Variants in CACYBP observed in about 807,000 individuals in gnomAD.
CACYBP encodes calcyclin-binding protein.
A neutral mutation model predicts 29.6 loss-of-function variants in CACYBP; 11 were observed. The observed-to-expected ratio is 0.37, with a 90% CI of 0.23 to 0.61. CACYBP has a LOEUF of 0.61. CACYBP is among the 20% of genes least tolerant of loss of function. The pLI, the probability that CACYBP is intolerant of heterozygous loss-of-function variation, is 0.65. For missense variants in CACYBP, 163 were observed against 260.7 expected (o/e 0.63, Z 2.58); for synonymous variants, 73 against 88.3 (o/e 0.83, Z 0.97).
intron 5 of CACYBP, 87 bp from the exon 6 acceptor site, chr1:175,009,836 C>T (rs939389139): frequency 3.0e-6 from 3 of 1,009,686 alleles, no homozygotes; most frequent in African/African-American, 3.2e-5. Context: ...TCTTATCCCT[C>T]TACTTCCTGC....
chr1:175,007,114 G>T lies in CACYBP; in HGVS notation c.349G>T (p.Val117Leu). The part of the protein sequence containing the change: ...HFTERSFDLL[V>L]KNLNGKSYSM... ...GTGTTGCAGGTCATTTGATCTTTTG[G>T]TAAAGAATCTAAATGGGAAGAGTTA... is the stretch of plus-strand genomic sequence containing the variant. The change falls in exon 4 of 6, where the codon GTA becomes TTA. Residue 117 changes from valine to leucine, a missense_variant. Transcript: ENST00000367679. 6.2e-7 allele frequency: 1 copy of T among 1,604,234 alleles called. No homozygotes were observed. Among genetic ancestry groups the T allele is most frequent in the Non-Finnish European group, 8.5e-7 (1 of 1,172,058 alleles).
intron 1 of CACYBP, chr1:175,000,582 G>A (rs961501180): frequency 1.9e-5 from 21 of 1,119,466 alleles, no homozygotes; most frequent in Non-Finnish European, 2.2e-5. Flanking sequence ...GTCGTTCTTG[G>A]TAGAGGGCGG....
chr1:175,007,306 A>G, intron 4 of CACYBP, 109 bp downstream of exon 4: 1 of 664,940 alleles, frequency 1.5e-6, no homozygotes, highest in Non-Finnish European at 2.7e-6. Flanking sequence ...AACAGGGACC[A>G]CCGCCTGTTT....
intron 1 of CACYBP, among the ~76,000 whole-genome samples, chr1:175,002,815 G>A (rs1383417483): frequency 6.6e-6 from 1 of 152,144 alleles, no homozygotes; most frequent in Non-Finnish European, 1.5e-5. Context: ...GCCATTGGGG[G>A]AATCCCTTGC....
chr1:175,009,697 CCTAA>C lies in CACYBP; in HGVS notation c.531-222_531-219del, dbSNP rs199659024. ...GAAATCCCTGTGCCTAAAAATAGCCCCTAACTATTTTGATGACCTCTTTCGTGCA... is the reference window on the plus strand; with the variant it reads ...GAAATCCCTGTGCCTAAAAATAGCCCCTATTTTGATGACCTCTTTCGTGCA... On this transcript the variant is annotated intron_variant, in intron 5 of 5. Coordinates refer to ENST00000367679, the MANE Select transcript of CACYBP (RefSeq NM_014412.3). Among the ~76,000 whole-genome samples, 107 of 151,474 alleles carry C rather than the reference CCTAA, an allele frequency of 7.1e-4. No individual in the cohort carries two copies. In the East Asian group the frequency reaches 0.014, roughly 19 times the overall value.
At position 175,008,574 on chromosome 1, in the gene CACYBP, T is replaced by C. The variant is rs750330318; in HGVS notation, c.433-35T>C. The C allele has an allele frequency of 2.5e-5, 23 of 929,394 alleles. No individual in the cohort carries two copies. The South Asian group carries it at 2.8e-4, about 11-fold the overall frequency. The allele number at this position is 929,394 out of a possible 1,614,324, so 57.6% of individuals were successfully genotyped here. A position where few individuals can be genotyped will look rare whatever the true frequency, so the allele number is the denominator to read the frequency against. On this transcript the variant is annotated intron_variant, in intron 4 of 5. Coordinates refer to ENST00000367679, the MANE Select transcript of CACYBP (RefSeq NM_014412.3). ...AATATTCATGCTTATCTCCATGTCT[T>C]CTAAGCTGTATTTGTTTTCCTGCTT...
At chr1:175,003,305 G>A (rs982814655) in intron 1 of CACYBP, among the ~76,000 whole-genome samples, 16 of 152,126 alleles carry the variant, frequency 1.1e-4, no homozygotes, top group African/African-American at 3.9e-4. Flanking sequence ...TTTAAGTAGA[G>A]ACGGGCTTTC....
chr1:175,000,324 G>T (rs1574105862), intron 1 of CACYBP, 129 bp downstream of exon 1: 3 of 1,475,852 alleles, frequency 2.0e-6, no homozygotes, highest in Non-Finnish European at 1.8e-6. Flanking sequence ...TCAGTGCGCC[G>T]CCTTCCCGGG....
At chr1:175,004,863 G>C in intron 2 of CACYBP, 30 bp downstream of exon 2, 1 of 1,379,060 alleles carries the variant, frequency 7.3e-7, no homozygotes, top group Non-Finnish European at 1.0e-6. Context: ...AGCCAGTTCT[G>C]CCTCCGAGCA....
chr1:175,000,719 G>A (rs1672455813), intron 1 of CACYBP: 5 of 545,772 alleles, frequency 9.2e-6, no homozygotes, highest in South Asian at 1.5e-4. Context: ...CCATTTCATA[G>A]GGTTGTTAAA....
intron 2 of CACYBP, among the ~76,000 whole-genome samples, chr1:175,005,833 T>C (rs1672607767): frequency 6.6e-6 from 1 of 152,180 alleles, no homozygotes; most frequent in African/African-American, 2.4e-5. Context: ...GGGAAGAAAC[T>C]ATTAATAAAT....
intron 4 of CACYBP, among the ~76,000 whole-genome samples, chr1:175,008,242 C>A (rs182644837): frequency 6.6e-6 from 1 of 152,126 alleles, no homozygotes; most frequent in African/African-American, 2.4e-5. Context: ...CTCAAACACA[C>A]CAAGATGATC....
At chr1:175,003,531 T>C (rs1046278135) in intron 1 of CACYBP, among the ~76,000 whole-genome samples, 2 of 152,272 alleles carry the variant, frequency 1.3e-5, no homozygotes, top group African/African-American at 2.4e-5. Flanking sequence ...AGTTCTGTTA[T>C]TGCATTTTAT....
intron 5 of CACYBP, among the ~76,000 whole-genome samples, chr1:175,009,464 G>A (rs1169442687): frequency 6.6e-6 from 1 of 151,824 alleles, no homozygotes; most frequent in African/African-American, 2.4e-5. Context: ...TGGCCAACAT[G>A]GTGAAACTCT....
chr1:175,011,135 G>C lies in CACYBP; in HGVS notation c.*1056G>C, dbSNP rs1292314424. ...AAAAAAAAAAAAAAAAAAGCCGTTAGACACACAGGAAAAATCCAGAAGGGT... is the reference window on the plus strand; with the variant it reads ...AAAAAAAAAAAAAAAAAAGCCGTTACACACACAGGAAAAATCCAGAAGGGT... On this transcript the variant is annotated 3_prime_UTR_variant, in exon 6 of 6. Transcript: ENST00000367679. 1 of 121,762 alleles carries C rather than the reference G, an allele frequency of 8.2e-6. No homozygotes were observed. Among genetic ancestry groups the C allele is most frequent in the Non-Finnish European group, 1.7e-5 (1 of 59,158 alleles). The allele number at this position is 121,762 out of a possible 1,614,324, so 7.5% of individuals were successfully genotyped here. A position where few individuals can be genotyped will look rare whatever the true frequency, so the allele number is the denominator to read the frequency against.
intron 1 of CACYBP, among the ~76,000 whole-genome samples, chr1:175,000,884 T>C (rs1041062881): frequency 6.6e-6 from 1 of 152,218 alleles, no homozygotes; most frequent in Non-Finnish European, 1.5e-5. Context: ...CGTTGGAGAA[T>C]TAAATTTTGT....
Position 175,000,135 on chromosome 1 carries a change from C to T in CACYBP, c.-46C>T, listed in dbSNP as rs1046439. ...GCTCGGCGCGGGGTTTCCTGTTCCT[C>T]CTTCTGCGCGGCTGCAGCTCGGGAC... On this transcript the variant is annotated 5_prime_UTR_variant, in exon 1 of 6. Transcript: ENST00000367679. 0.7 allele frequency: 1,110,136 copies of T among 1,587,378 alleles called. 391,780 individuals carry two copies. The highest frequency in any genetic ancestry group is 0.94 in the African/African-American group (69,643 of 74,166).
chr1:175,006,492 G>A (rs1344813614), intron 2 of CACYBP: 4 of 302,308 alleles, frequency 1.3e-5, no homozygotes, highest in Admixed American at 9.9e-5. Context: ...AAGAGCATAG[G>A]TTTTGTATTC....
chr1:175,011,106 T>TAAAAAAAAAA lies in CACYBP; in HGVS notation c.*1039_*1048dup, dbSNP rs535813233. The TAAAAAAAAAA allele has an allele frequency of 1.2e-5, 1 of 85,222 alleles. No homozygotes were observed. The allele number at this position is 85,222 out of a possible 1,614,324, so 5.3% of individuals were successfully genotyped here. On this transcript the variant is annotated 3_prime_UTR_variant, in exon 6 of 6. Transcript: ENST00000367679. ...GTAACAGATTGAGAACCTGTCTCAT[T>TAAAAAAAAAA]AAAAAAAAAAAAAAAAAAAAAGCCG...
Sources: gnomAD v4.1 joint callset for allele counts (sites outside exome capture counted in the v4.1 genomes callset) on GRCh38, gnomAD v4.1.1 for gene constraint, MANE v1.5 for transcripts, NCBI Gene and HGNC (gene_info 2026-07-23, HGNC 2026-07-21) for gene names.